The following NBAS variants were observed in gnomAD, a reference collection of about 807,000 sequenced individuals.
NBAS encodes NAG/BC035112 fusion.
Under a neutral mutation model 302.5 loss-of-function variants are expected in NBAS, and 219 were observed. That is an observed-to-expected ratio of 0.72 (90% CI 0.65 to 0.81). NBAS has a LOEUF of 0.81. Among genes scored for constraint, NBAS ranks in the 30% least tolerant of loss-of-function variants. The pLI, the probability that NBAS is intolerant of heterozygous loss-of-function variation, is 0.00. For missense variants in NBAS, 2,932 were observed against 2,841.6 expected (o/e 1.03, Z -0.72); for synonymous variants, 1,118 against 1,021.6 (o/e 1.09, Z -1.80).
chr2:15,486,202 C>T (rs1335703240), intron 12 of NBAS, among the ~76,000 whole-genome samples: 3 of 152,218 alleles, frequency 2.0e-5, no homozygotes, highest in Non-Finnish European at 4.4e-5. Flanking sequence ...ACTCATACAA[C>T]ATCCTTGGTA....
intron 21 of NBAS, among the ~76,000 whole-genome samples, chr2:15,428,826 G>A (rs772392170): frequency 2.0e-5 from 3 of 152,024 alleles, no homozygotes; most frequent in Admixed American, 6.5e-5. Flanking sequence ...GGCAGATCAC[G>A]AGGTCAGCAG....
the NBAS span, among the ~76,000 whole-genome samples, chr2:14,801,403 C>T: frequency 6.6e-6 from 1 of 152,042 alleles, no homozygotes; most frequent in Non-Finnish European, 1.5e-5. Context: ...ACTTTAATTT[C>T]ACCAATTTTT....
the NBAS span, among the ~76,000 whole-genome samples, chr2:15,021,847 C>T: frequency 0.012 from 1,892 of 152,250 alleles, 43 homozygotes; most frequent in African/African-American, 0.044. Flanking sequence ...AAAGAGAAAA[C>T]ATTCTTTATT....
At chr2:15,476,898 TAAG>T (rs1680217264) in intron 13 of NBAS, among the ~76,000 whole-genome samples, 1 of 152,180 alleles carries the variant, frequency 6.6e-6, no homozygotes, top group Admixed American at 6.5e-5. Flanking sequence ...AACATTAGAC[TAAG>T]AAGAGAGAGA....
chr2:14,782,359 G>C, the NBAS span, among the ~76,000 whole-genome samples: 1 of 152,190 alleles, frequency 6.6e-6, no homozygotes, highest in Non-Finnish European at 1.5e-5. Context: ...ATGAGAAAAA[G>C]CTCAATATCA....
the NBAS span, among the ~76,000 whole-genome samples, chr2:14,935,530 T>A: frequency 6.6e-6 from 1 of 152,216 alleles, no homozygotes; most frequent in African/African-American, 2.4e-5. Context: ...TAGTTTTCCA[T>A]GTAAACGGTA....
At chr2:14,838,421 C>T in the NBAS span, among the ~76,000 whole-genome samples, 73 of 151,900 alleles carry the variant, frequency 4.8e-4, no homozygotes, top group African/African-American at 1.7e-3. Context: ...AATTTTGTTG[C>T]AACACTTTTT....
chr2:15,293,473 T>G (rs939786846), intron 40 of NBAS, among the ~76,000 whole-genome samples: 15 of 151,720 alleles, frequency 9.9e-5, no homozygotes, highest in Non-Finnish European at 2.1e-4. Flanking sequence ...GAAAGGAGAG[T>G]AAGTGATTAA....
intron 35 of NBAS, among the ~76,000 whole-genome samples, chr2:15,337,867 G>A (rs1012060504): frequency 1.3e-5 from 2 of 152,154 alleles, no homozygotes; most frequent in East Asian, 1.9e-4. Flanking sequence ...ACTTACCCCC[G>A]AAATGATTAC....
At chr2:15,056,982 C>G in the NBAS span, among the ~76,000 whole-genome samples, 1 of 151,988 alleles carries the variant, frequency 6.6e-6, no homozygotes, top group Non-Finnish European at 1.5e-5. Context: ...GCACTTGCCA[C>G]CACGCCCGGC....
chr2:15,207,663 T>TA (rs1260152088), intron 48 of NBAS, among the ~76,000 whole-genome samples: 2 of 152,170 alleles, frequency 1.3e-5, no homozygotes, highest in African/African-American at 2.4e-5. Context: ...GTTCTTGTGA[T>TA]AGAGTTCTCA....
rs1663673696 is a variant in NBAS at position 15,539,206 on chromosome 2, T to G, written c.513+17A>C. 2 of 1,614,048 alleles carry G rather than the reference T, an allele frequency of 1.2e-6. No individual in the cohort carries two copies. Among genetic ancestry groups the G allele is most frequent in the Admixed American group, 1.7e-5 (1 of 60,006 alleles). ...ACATTGAAAAAACTATGTTTTCAATTTAAGCTATGTACATACCGGGGAAAT... is the reference window on the plus strand; with the variant it reads ...ACATTGAAAAAACTATGTTTTCAATGTAAGCTATGTACATACCGGGGAAAT... On this transcript the variant is annotated intron_variant, in intron 7 of 51. Coordinates refer to ENST00000281513, the MANE Select transcript of NBAS (RefSeq NM_015909.4).
chr2:15,395,528 G>A (rs1271937209), intron 27 of NBAS, among the ~76,000 whole-genome samples: 3 of 152,040 alleles, frequency 2.0e-5, no homozygotes, highest in African/African-American at 7.2e-5. Context: ...AGGTCTTCAG[G>A]AAACTGAAGA....
At chr2:15,328,111 T>A (rs1020920241) in intron 37 of NBAS, 88 bp downstream of exon 37, 2 of 1,333,772 alleles carry the variant, frequency 1.5e-6, no homozygotes, top group African/African-American at 2.9e-5. Context: ...GACAAATAAG[T>A]ATATTTTCAA....
At chr2:14,946,396 G>T in the NBAS span, among the ~76,000 whole-genome samples, 1 of 152,040 alleles carries the variant, frequency 6.6e-6, no homozygotes, top group Admixed American at 6.6e-5. Flanking sequence ...AACCATACAG[G>T]CCAGGAGTGG....
At chr2:15,406,849 A>C (rs997508481) in intron 25 of NBAS, among the ~76,000 whole-genome samples, 3 of 152,202 alleles carry the variant, frequency 2.0e-5, no homozygotes, top group Admixed American at 1.3e-4. Context: ...ACCATTTCTC[A>C]CCTATCACAT....
chr2:15,453,447 A>AT (rs772503040), intron 21 of NBAS, among the ~76,000 whole-genome samples: 22 of 152,206 alleles, frequency 1.4e-4, no homozygotes, highest in Non-Finnish European at 2.9e-4. Context: ...ATATACTGAC[A>AT]TAAGATTAAA....
intron 40 of NBAS, among the ~76,000 whole-genome samples, chr2:15,295,251 G>A (rs1670493707): frequency 6.6e-6 from 1 of 152,236 alleles, no homozygotes; most frequent in Non-Finnish European, 1.5e-5. Context: ...TGTATAGCAA[G>A]AATGAGCATG....
chr2:15,275,866 ACAT>A, intron 43 of NBAS, 48 bp from the exon 44 acceptor site: 1 of 1,526,784 alleles, frequency 6.5e-7, no homozygotes, highest in Non-Finnish European at 9.0e-7. Context: ...TCCAATGTAA[ACAT>A]AGAGTCACTT....
Sources: gnomAD v4.1 joint callset for allele counts (sites outside exome capture counted in the v4.1 genomes callset) on GRCh38, gnomAD v4.1.1 for gene constraint, MANE v1.5 for transcripts, NCBI Gene and HGNC (gene_info 2026-07-23, HGNC 2026-07-21) for gene names.